The following PCSK4 variants were observed in gnomAD, a reference collection of about 807,000 sequenced individuals.
The protein encoded by PCSK4 is proprotein convertase subtilisin/kexin type 4.
PCSK4 carries 64 observed loss-of-function variants against 80.3 expected under a neutral mutation model. The observed-to-expected ratio is 0.80, with a 90% CI of 0.65 to 0.98. The LOEUF is 0.98. Among genes scored for constraint, PCSK4 ranks in the 50% least tolerant of loss-of-function variants. The pLI, the probability that PCSK4 is intolerant of heterozygous loss-of-function variation, is 0.00. For missense variants in PCSK4, 1,213 were observed against 1,093.6 expected, an observed-to-expected ratio of 1.11 and a Z score of -1.54; for synonymous variants, 561 against 487.6, an observed-to-expected ratio of 1.15 and a Z score of -1.98.
intron 4 of PCSK4, 36 bp from the exon 5 acceptor site, chr19:1,487,897 C>T (rs566207236): frequency 2.9e-5 from 46 of 1,566,112 alleles, no homozygotes; most frequent in Non-Finnish European, 3.7e-5. Flanking sequence ...GGCCGGGAGG[C>T]GTCCCTAGGG....
At chr19:1,489,884 C>T in exon 2 of PCSK4, 1 of 1,609,160 alleles carries the variant, frequency 6.2e-7, no homozygotes, top group Non-Finnish European at 8.5e-7. Flanking sequence ...AAAGTACTGC[C>T]CGTCAGGGAA....
At position 1,489,908 on chromosome 19, in the gene PCSK4, G is replaced by T. The variant is rs749760357; in HGVS notation, c.190-11C>A. 1 of 1,597,918 alleles carries T rather than the reference G, an allele frequency of 6.3e-7. No individual in the cohort carries two copies. Among genetic ancestry groups the T allele is most frequent in the Non-Finnish European group, 8.5e-7 (1 of 1,173,198 alleles). On this transcript the variant is annotated splice_polypyrimidine_tract_variant and intron_variant, in intron 1 of 14. Transcript: ENST00000300954. ...CCCGTCAGGGAAGATCTGGGGATGT[G>T]GGGAAGCGGCCGCACCGATGGGACC...
exon 1 of PCSK4, chr19:1,490,348 G>T (rs1045696561): frequency 1.7e-6 from 2 of 1,175,682 alleles, no homozygotes; most frequent in Non-Finnish European, 2.3e-6. Flanking sequence ...GGGCCGCATG[G>T]AGGCGGGGCG....
upstream of PCSK4, chr19:1,490,720 A>C: frequency 2.1e-5 from 5 of 239,636 alleles, no homozygotes; most frequent in East Asian, 8.7e-5. Context: ...CCTAATCAGA[A>C]TCATTCTTTT....
intron 2 of PCSK4, among the ~76,000 whole-genome samples, chr19:1,488,591 C>CT (rs1204037796): frequency 6.6e-6 from 1 of 151,448 alleles, no homozygotes; most frequent in African/African-American, 2.4e-5. Flanking sequence ...TATTTTTTTT[C>CT]TTTTTTTGAG....
At chr19:1,489,467 C>T (rs934955358) in intron 2 of PCSK4, 3 of 324,710 alleles carry the variant, frequency 9.2e-6, no homozygotes, top group Admixed American at 8.8e-5. Flanking sequence ...ATTACGGTGT[C>T]GTAAAATCCC....
At position 1,483,476 on chromosome 19, in the gene PCSK4, AG is replaced by A. The variant is rs753391468; in HGVS notation, c.1392-14del. 5.2e-6 allele frequency: 5 copies of A among 960,948 alleles called. No homozygotes were observed. Among genetic ancestry groups the A allele is most frequent in the South Asian group, 2.1e-5 (1 of 48,616 alleles). 59.5% of individuals were successfully genotyped at this position (960,948 alleles called of 1,614,324 possible). Reference sequence around the variant, plus strand: ...CGGCAGGATGGGGCTGAGGGGGTCGAGGGGTGAGGACCCTCCTGCGGCCTGC... The same window carrying A: ...CGGCAGGATGGGGCTGAGGGGGTCGAGGGTGAGGACCCTCCTGCGGCCTGC... On this transcript the variant is annotated splice_polypyrimidine_tract_variant and intron_variant, in intron 11 of 14. Transcript: ENST00000300954.
chr19:1,482,054 G>T, exon 15 of PCSK4: 1 of 1,558,014 alleles, frequency 6.4e-7, no homozygotes. Flanking sequence ...GCCGCGGCAG[G>T]TGTAGCAGGA....
At chr19:1,489,500 G>C (rs1468025457) in intron 2 of PCSK4, 2 of 426,928 alleles carry the variant, frequency 4.7e-6, no homozygotes, top group Non-Finnish European at 8.5e-6. Flanking sequence ...CCATGACCTA[G>C]ACGGTGGGGA....
chr19:1,481,977 T>A (rs1430667714), exon 15 of PCSK4: 17 of 1,596,266 alleles, frequency 1.1e-5, no homozygotes, highest in Non-Finnish European at 1.4e-5. Context: ...GTGGGTCCCA[T>A]GCAGGAGCCC....
At chr19:1,482,239 A>C (rs752518464) in intron 14 of PCSK4, 32 bp from the exon 15 acceptor site, 2 of 1,523,984 alleles carry the variant, frequency 1.3e-6, no homozygotes. Context: ...AAGGCCCGTC[A>C]GCTTGCCACC....
exon 8 of PCSK4, chr19:1,486,987 C>G: frequency 6.2e-7 from 1 of 1,609,854 alleles, no homozygotes; most frequent in Non-Finnish European, 8.5e-7. Flanking sequence ...TTGGTGTAGC[C>G]GTCGCAGTTG....
exon 7 of PCSK4, chr19:1,487,203 C>G (rs773199644): frequency 1.9e-6 from 3 of 1,607,950 alleles, no homozygotes; most frequent in Non-Finnish European, 1.7e-6. Flanking sequence ...ACCGTGCGGC[C>G]GTCGTCCTCG....
At chr19:1,490,256 C>A (rs776576469) in exon 1 of PCSK4, 1 of 1,609,608 alleles carries the variant, frequency 6.2e-7, no homozygotes, top group Non-Finnish European at 8.5e-7. Context: ...TAGATGGGGG[C>A]TCGGACCGGG....
chr19:1,481,602 T>C (rs1019885611), exon 15 of PCSK4: 11 of 512,716 alleles, frequency 2.1e-5, no homozygotes, highest in African/African-American at 2.1e-4. Context: ...TCTCTCTCTC[T>C]CCCGCCAGGC....
At chr19:1,484,189 A>G (rs2084482742) in intron 8 of PCSK4, 62 bp from the exon 9 acceptor site, 3 of 959,372 alleles carry the variant, frequency 3.1e-6, no homozygotes, top group Non-Finnish European at 4.8e-6. Context: ...GCCCTTCTTC[A>G]AAAAGTACCA....
chr19:1,488,861 A>G (rs1270463513), intron 2 of PCSK4, among the ~76,000 whole-genome samples: 2 of 152,250 alleles, frequency 1.3e-5, no homozygotes, highest in Non-Finnish European at 1.5e-5. Context: ...GATTACAGGC[A>G]TGAACCACCA....
chr19:1,488,385 G>A, intron 2 of PCSK4, 105 bp from the exon 3 acceptor site: 1 of 834,042 alleles, frequency 1.2e-6, no homozygotes, highest in Non-Finnish European at 1.9e-6. Context: ...GTGTTTGTGG[G>A]GGTTGCTCTC....
chr19:1,482,799 C>T (rs2084371065), intron 13 of PCSK4, 97 bp downstream of exon 13: 3 of 1,330,594 alleles, frequency 2.3e-6, no homozygotes, highest in Admixed American at 3.6e-5. Flanking sequence ...CCACTGGGAA[C>T]CCCTTTTGCA....
Sources: gnomAD v4.1 joint callset for allele counts (sites outside exome capture counted in the v4.1 genomes callset) on GRCh38, gnomAD v4.1.1 for gene constraint, MANE v1.5 for transcripts, NCBI Gene and HGNC (gene_info 2026-07-23, HGNC 2026-07-21) for gene names.